FSD1L: variants seen among roughly 807,000 people sequenced by gnomAD.
FSD1L encodes fibronectin type III and SPRY domain containing 1 like.
A neutral mutation model predicts 71.6 loss-of-function variants in FSD1L; 45 were observed. The observed-to-expected ratio is 0.63, with a 90% CI of 0.49 to 0.81. The LOEUF (loss-of-function observed/expected upper bound fraction) is 0.81, where lower values mean the gene tolerates loss of function less well. Ranked by LOEUF, FSD1L falls within the 30% of genes least tolerant of loss-of-function variation. The probability of loss-of-function intolerance (pLI) is 0.00; values close to 1 mark genes in which losing one functional copy is unlikely to be tolerated. For synonymous variants in FSD1L, 197 were observed against 207.2 expected (o/e 0.95, Z 0.42); for missense variants, 561 against 618.1 (o/e 0.91, Z 0.98).
At position 105,448,110 on chromosome 9, in the gene FSD1L, T is replaced by G; in HGVS notation, c.-111T>G. The G allele has an allele frequency of 3.3e-6, 4 of 1,214,468 alleles. No homozygotes were observed. Among genetic ancestry groups the G allele is most frequent in the Non-Finnish European group, 4.7e-6 (4 of 852,198 alleles). 75.2% of individuals were successfully genotyped at this position (1,214,468 alleles called of 1,614,324 possible). ...GACGGGTGGGGCCGGGCGGTGCCGGTGCGGGCTGGGGCAGTGCAGTGAGTA... is the reference window on the plus strand; with the variant it reads ...GACGGGTGGGGCCGGGCGGTGCCGGGGCGGGCTGGGGCAGTGCAGTGAGTA... On this transcript the variant is annotated 5_prime_UTR_variant, in exon 1 of 14. Transcript: ENST00000481272.
intron 5 of FSD1L, among the ~76,000 whole-genome samples, chr9:105,476,225 T>G (rs937046239): frequency 6.6e-6 from 1 of 152,198 alleles, no homozygotes; most frequent in African/African-American, 2.4e-5. Flanking sequence ...ACTTCTTCTT[T>G]ACTCGTATTA....
upstream of FSD1L, chr9:105,447,722 G>A (rs1356458845): frequency 5.5e-6 from 1 of 181,774 alleles, no homozygotes; most frequent in Non-Finnish European, 1.1e-5. Context: ...GCCCCTCGAA[G>A]GATAGTGTGG....
At chr9:105,534,624 C>A in intron 11 of FSD1L, 31 bp downstream of exon 11, 1 of 1,300,402 alleles carries the variant, frequency 7.7e-7, no homozygotes, top group Non-Finnish European at 1.1e-6. Context: ...TTTTCATTAT[C>A]TCAGATTAAA....
intron 8 of FSD1L, 73 bp from the exon 9 acceptor site, chr9:105,508,544 G>A: frequency 1.2e-6 from 1 of 830,580 alleles, no homozygotes; most frequent in South Asian, 1.5e-5. Context: ...AATGCCTGAA[G>A]GCTCATACTC....
At chr9:105,494,829 G>A (rs531741764) in intron 7 of FSD1L, among the ~76,000 whole-genome samples, 2 of 152,120 alleles carry the variant, frequency 1.3e-5, no homozygotes, top group Admixed American at 6.5e-5. Flanking sequence ...TTCGTGAACC[G>A]CAAATGCTGC....
intron 1 of FSD1L, among the ~76,000 whole-genome samples, chr9:105,459,045 A>G (rs1471459101): frequency 6.6e-6 from 1 of 152,146 alleles, no homozygotes; most frequent in Non-Finnish European, 1.5e-5. Flanking sequence ...ATATCTAGAA[A>G]ACACTTTTTA....
rs1588930675 is a variant in FSD1L at position 105,462,573 on chromosome 9, G to A, written c.111+958G>A. Reference sequence around the variant, plus strand: ...GAATCTTGCTCTGTTGCCCAGGCTGGAGTGCAGTGGTGAGATCTCGGCTCA... The same window carrying A: ...GAATCTTGCTCTGTTGCCCAGGCTGAAGTGCAGTGGTGAGATCTCGGCTCA... On this transcript the variant is annotated intron_variant, in intron 2 of 13. Coordinates refer to ENST00000481272, the MANE Select transcript of FSD1L (RefSeq NM_001145313.3). Among the ~76,000 whole-genome samples, 9 of 147,280 alleles carry A rather than the reference G, an allele frequency of 6.1e-5. No individual in the cohort carries two copies. The South Asian group carries it at 2.0e-3, about 32-fold the overall frequency.
chr9:105,493,869 C>T (rs560448904), intron 7 of FSD1L, among the ~76,000 whole-genome samples: 4,254 of 152,180 alleles, frequency 0.028, 90 homozygotes, highest in Non-Finnish European at 0.04. Flanking sequence ...CCGAGAGATC[C>T]GCTGTTAGTC....
intron 7 of FSD1L, among the ~76,000 whole-genome samples, chr9:105,494,092 G>A (rs1433831377): frequency 1.1e-4 from 17 of 152,226 alleles, no homozygotes; most frequent in Admixed American, 9.8e-4. Context: ...ATCCTGCAGA[G>A]TGTTTTCCAA....
Position 105,468,213 on chromosome 9 carries a change from C to T in FSD1L, c.228C>T (p.Leu76=). Residue 76 remains leucine, a synonymous_variant, in exon 4 of 14, where the codon CTC becomes CTT. Coordinates refer to ENST00000481272, the MANE Select transcript of FSD1L (RefSeq NM_001145313.3). ...KGVQENSSNI[L]SELDEEFDSL... is the part of the protein sequence containing the mutation. Reference sequence around the variant, plus strand: ...AACAGGAAAATTCGTCCAACATACTCTCAGAGTTAGATGAAGAATTTGATA... The same window carrying T: ...AACAGGAAAATTCGTCCAACATACTTTCAGAGTTAGATGAAGAATTTGATA... The T allele has an allele frequency of 2.1e-6, 3 of 1,421,306 alleles. No individual in the cohort carries two copies. Among genetic ancestry groups the T allele is most frequent in the Non-Finnish European group, 2.8e-6 (3 of 1,090,330 alleles). The allele number at this position is 1,421,306 out of a possible 1,614,324, so 88.0% of individuals were successfully genotyped here.
At chr9:105,485,533 G>GGTTTTTTTTTTTT (rs1554705301) in intron 7 of FSD1L, among the ~76,000 whole-genome samples, 1 of 79,412 alleles carries the variant, frequency 1.3e-5, no homozygotes. Context: ...TTGGTTAGGT[G>GGTTTTTTTTTTTT]TTTTTTTTTT....
intron 9 of FSD1L, among the ~76,000 whole-genome samples, chr9:105,511,552 C>A (rs949438840): frequency 1.3e-5 from 2 of 152,010 alleles, no homozygotes; most frequent in Non-Finnish European, 2.9e-5. Context: ...TGCATTATCT[C>A]TTTTTTCTGT....
In FSD1L at chr9:105,548,510, A is replaced by G. The variant is rs1837131420; in HGVS notation, c.*2027A>G. ...TTGGTCCATGCCCCATGCAGTGTCA[A>G]CTGATGTTTAAGCTACAGAGCATTG... On this transcript the variant is annotated 3_prime_UTR_variant, in exon 14 of 14. Transcript: ENST00000481272. 2 of 152,518 alleles carry G rather than the reference A, an allele frequency of 1.3e-5. No homozygotes were observed. Among genetic ancestry groups the G allele is most frequent in the Non-Finnish European group, 2.9e-5 (2 of 67,972 alleles). The allele number at this position is 152,518 out of a possible 1,614,324, so 9.4% of individuals were successfully genotyped here. A position where few individuals can be genotyped will look rare whatever the true frequency, so the allele number is the denominator to read the frequency against.
chr9:105,510,921 C>A (rs1038947230), intron 9 of FSD1L, among the ~76,000 whole-genome samples: 1 of 151,350 alleles, frequency 6.6e-6, no homozygotes, highest in Non-Finnish European at 1.5e-5. Flanking sequence ...ATTAAAGATA[C>A]GGGAACCAGT....
intron 7 of FSD1L, among the ~76,000 whole-genome samples, chr9:105,493,148 G>C (rs1833080434): frequency 6.6e-6 from 1 of 152,208 alleles, no homozygotes; most frequent in South Asian, 2.1e-4. Context: ...TCTCTTTGTA[G>C]GTCACTCAGG....
upstream of FSD1L, among the ~76,000 whole-genome samples, chr9:105,447,291 TCCAGCCTCGGTGACAGAC>T (rs1829682387): frequency 8.7e-6 from 1 of 115,392 alleles, no homozygotes; most frequent in Non-Finnish European, 1.6e-5. Context: ...ACCACTGCAC[TCCAGCCTCGGTGACAGAC>T]CGAGACTCCA....
intron 7 of FSD1L, among the ~76,000 whole-genome samples, chr9:105,505,113 CTT>C (rs1402360829): frequency 1.3e-5 from 2 of 152,196 alleles, no homozygotes; most frequent in Non-Finnish European, 2.9e-5. Flanking sequence ...TGTATAGTGT[CTT>C]ATATCTACCA....
chr9:105,511,994 G>A (rs892626084), intron 9 of FSD1L, among the ~76,000 whole-genome samples: 1 of 152,034 alleles, frequency 6.6e-6, no homozygotes, highest in Non-Finnish European at 1.5e-5. Context: ...TTGCAAGATA[G>A]AGATTCCGAG....
intron 1 of FSD1L, among the ~76,000 whole-genome samples, chr9:105,451,948 G>A (rs1830030242): frequency 6.6e-6 from 1 of 152,126 alleles, no homozygotes; most frequent in Admixed American, 6.6e-5. Flanking sequence ...GGAGATGAGA[G>A]CTCAGAGGAA....
Sources: gnomAD v4.1 joint callset for allele counts (sites outside exome capture counted in the v4.1 genomes callset) on GRCh38, gnomAD v4.1.1 for gene constraint, MANE v1.5 for transcripts, NCBI Gene and HGNC (gene_info 2026-07-23, HGNC 2026-07-21) for gene names.